The following CMIP variants were observed in gnomAD, a reference collection of about 807,000 sequenced individuals.
CMIP encodes c-Maf inducing protein.
In CMIP, 13 loss-of-function variants were observed where a neutral mutation model predicts 97.3. The observed-to-expected ratio is 0.13, with a 90% CI of 0.09 to 0.21. The LOEUF (loss-of-function observed/expected upper bound fraction) is 0.21, where lower values mean the gene tolerates loss of function less well. Ranked by LOEUF, CMIP falls within the 10% of genes least tolerant of loss-of-function variation. The probability of loss-of-function intolerance (pLI) is 1.00; values close to 1 mark genes in which losing one functional copy is unlikely to be tolerated. For missense variants in CMIP, 847 were observed against 1,024.9 expected, an observed-to-expected ratio of 0.83 and a Z score of 2.37; for synonymous variants, 538 against 436.3, an observed-to-expected ratio of 1.23 and a Z score of -2.91.
chr16:81,661,149 C>T (rs765140608), intron 6 of CMIP, among the ~76,000 whole-genome samples: 1 of 152,246 alleles, frequency 6.6e-6, no homozygotes, highest in Non-Finnish European at 1.5e-5. Context: ...GACAAAGAGT[C>T]ACAAGGGGAA....
chr16:81,554,411 T>G (rs1397137097), intron 1 of CMIP, among the ~76,000 whole-genome samples: 1 of 152,246 alleles, frequency 6.6e-6, no homozygotes, highest in Non-Finnish European at 1.5e-5. Context: ...GCATCCGTTC[T>G]GCTACTTCTC....
chr16:81,615,083 T>C (rs1349054321), intron 2 of CMIP, among the ~76,000 whole-genome samples: 1 of 150,838 alleles, frequency 6.6e-6, no homozygotes, highest in Non-Finnish European at 1.5e-5. Flanking sequence ...GTGTGGTATG[T>C]CTTTGTGTGT....
intron 1 of CMIP, chr16:81,519,547 G>C (rs536928367): frequency 6.6e-6 from 1 of 152,232 alleles, no homozygotes; most frequent in Non-Finnish European, 1.5e-5. Flanking sequence ...GGAGGGGAAG[G>C]ACCTTGACTG....
chr16:81,514,745 A>T (rs553146114), intron 1 of CMIP, among the ~76,000 whole-genome samples: 1 of 152,192 alleles, frequency 6.6e-6, no homozygotes, highest in East Asian at 1.9e-4. Context: ...CCTTATCTGT[A>T]AAGTGGAGGA....
intron 1 of CMIP, among the ~76,000 whole-genome samples, chr16:81,487,348 C>T (rs576450638): frequency 2.6e-5 from 4 of 152,330 alleles, no homozygotes; most frequent in East Asian, 3.9e-4. Flanking sequence ...CCTGAGGAAC[C>T]CGCTTCAAAC....
At position 81,453,558 on chromosome 16, in the gene CMIP, C is replaced by T. The variant is rs992592561; in HGVS notation, c.300+8017C>T. Among the ~76,000 whole-genome samples the T allele has an allele frequency of 6.6e-6, 1 of 152,184 alleles. No homozygotes were observed. The highest frequency in any genetic ancestry group is 1.5e-5 in the Non-Finnish European group (1 of 68,026). On this transcript the variant is annotated intron_variant, in intron 1 of 20. Transcript: ENST00000537098. The surrounding 1 kb of genome is among the most constrained non-coding windows in gnomAD (Gnocchi z 4.0). ...GCTCTCCTCCCTCGCATGTTGGCTC[C>T]CTGTGTGGACTAGGTGACCCTGTTT... is the stretch of plus-strand genomic sequence containing the variant.
At chr16:81,502,334 A>G (rs970966260) in intron 1 of CMIP, among the ~76,000 whole-genome samples, 1 of 152,196 alleles carries the variant, frequency 6.6e-6, no homozygotes, top group Non-Finnish European at 1.5e-5. Flanking sequence ...GTGACGCTTC[A>G]TTTCATTCAT....
At chr16:81,562,158 G>A (rs2090895465) in intron 1 of CMIP, among the ~76,000 whole-genome samples, 1 of 152,236 alleles carries the variant, frequency 6.6e-6, no homozygotes, top group South Asian at 2.1e-4. Context: ...AGATGAGGAT[G>A]CAGCCAACCG....
rs577602990 is a variant in CMIP, at chr16:81,645,386, G to A, written c.478-6817G>A. On this transcript the variant is annotated intron_variant, in intron 3 of 20. Transcript: ENST00000537098. ...TACGCGCGCGAGCCCCAGAGGCTGCGGCAGCAGCAGAGCAGCAGAGCAGCA... is the reference window on the plus strand; with the variant it reads ...TACGCGCGCGAGCCCCAGAGGCTGCAGCAGCAGCAGAGCAGCAGAGCAGCA... The A allele has an allele frequency of 2.7e-5, 39 of 1,460,080 alleles. No individual in the cohort carries two copies. In the East Asian group the frequency reaches 2.8e-4, roughly 10 times the overall value. 90.4% of individuals were successfully genotyped at this position (1,460,080 alleles called of 1,614,324 possible). A position where few individuals can be genotyped will look rare whatever the true frequency, so the allele number is the denominator to read the frequency against.
intron 1 of CMIP, among the ~76,000 whole-genome samples, chr16:81,477,536 T>C (rs1908002793): frequency 6.6e-6 from 1 of 152,244 alleles, no homozygotes; most frequent in Non-Finnish European, 1.5e-5. Context: ...CTGAAGGCAA[T>C]GGCTGCCCTC....
At chr16:81,561,649 T>A (rs1266769626) in intron 1 of CMIP, among the ~76,000 whole-genome samples, 1 of 152,144 alleles carries the variant, frequency 6.6e-6, no homozygotes, top group Non-Finnish European at 1.5e-5. Flanking sequence ...GTGGAGAGCT[T>A]TGGAAGGTTT....
intron 3 of CMIP, among the ~76,000 whole-genome samples, chr16:81,635,739 T>G (rs2092225979): frequency 6.6e-6 from 1 of 152,150 alleles, no homozygotes; most frequent in Non-Finnish European, 1.5e-5. Context: ...CCTGTTTTTA[T>G]AAATAAGGAG....
At chr16:81,522,713 G>T (rs1037049656) in intron 1 of CMIP, among the ~76,000 whole-genome samples, 6 of 152,110 alleles carry the variant, frequency 3.9e-5, no homozygotes, top group Non-Finnish European at 8.8e-5. Context: ...CTAGAGCATT[G>T]TTAGTATGTT....
At chr16:81,529,293 A>G (rs1216609776) in intron 1 of CMIP, among the ~76,000 whole-genome samples, 1 of 152,108 alleles carries the variant, frequency 6.6e-6, no homozygotes, top group Non-Finnish European at 1.5e-5. Context: ...GATTGGGGGC[A>G]CATGGTTTCT....
intron 1 of CMIP, among the ~76,000 whole-genome samples, chr16:81,461,723 G>T (rs755727029): frequency 6.6e-6 from 1 of 152,222 alleles, no homozygotes; most frequent in Non-Finnish European, 1.5e-5. Context: ...AAGCACCTGG[G>T]TTTGCAAAGC....
At chr16:81,702,588 A>C (rs1367608343) in intron 16 of CMIP, 34 bp from the exon 17 acceptor site, 3 of 1,606,668 alleles carry the variant, frequency 1.9e-6, no homozygotes, top group Non-Finnish European at 2.6e-6. Flanking sequence ...CTTGGGGAAA[A>C]GAATGGTTGT....
At chr16:81,678,694 T>C in intron 10 of CMIP, 66 bp downstream of exon 10, 1 of 745,158 alleles carries the variant, frequency 1.3e-6, no homozygotes, top group East Asian at 2.6e-5. Flanking sequence ...TGCTGCTGGG[T>C]GCGGCTGTGT....
At chr16:81,696,364 G>T (rs2151088109) in intron 13 of CMIP, 196 bp from the exon 14 acceptor site, 1 of 629,458 alleles carries the variant, frequency 1.6e-6, no homozygotes, top group East Asian at 2.8e-5. Context: ...CCTGGGGTGT[G>T]GGGGCCACGG....
chr16:81,602,050 A>G (rs1019439524), intron 1 of CMIP, among the ~76,000 whole-genome samples: 7 of 152,198 alleles, frequency 4.6e-5, no homozygotes, highest in Non-Finnish European at 1.0e-4. Context: ...TCCTAAATAT[A>G]GGGTAGAAAA....
Sources: allele counts gnomAD v4.1 joint callset (sites outside exome capture counted in the v4.1 genomes callset), GRCh38; gene constraint gnomAD v4.1.1; non-coding constraint Gnocchi (gnomAD v3.1); transcripts MANE v1.5; gene names NCBI Gene and HGNC (gene_info 2026-07-23, HGNC 2026-07-21).